Variants in VPS37A observed in about 807,000 individuals in gnomAD.
The protein encoded by VPS37A is VPS37A subunit of ESCRT-I.
VPS37A carries 30 observed loss-of-function variants against 49.8 expected under a neutral mutation model. The observed-to-expected ratio is 0.60, with a 90% CI of 0.45 to 0.82. The LOEUF is 0.82. Ranked by LOEUF, VPS37A falls within the 40% of genes least tolerant of loss-of-function variation. The pLI is 0.00. For missense variants in VPS37A, 593 were observed against 464.4 expected (o/e 1.28, Z -2.55); for synonymous variants, 195 against 160.6 (o/e 1.21, Z -1.62).
chr8:17,268,192 A>G, intron 2 of VPS37A, 66 bp from the exon 3 acceptor site: 2 of 1,126,590 alleles, frequency 1.8e-6, no homozygotes, highest in Non-Finnish European at 2.6e-6. Context: ...TTGTTTTAAG[A>G]TTTTGACCAT....
chr8:17,291,529 T>C (rs1816154681), intron 11 of VPS37A, among the ~76,000 whole-genome samples: 2 of 151,960 alleles, frequency 1.3e-5, no homozygotes, highest in Admixed American at 6.6e-5. Flanking sequence ...TTTGAATTTG[T>C]TTGCTCTTGC....
At position 17,284,350 on chromosome 8, in the gene VPS37A, C is replaced by G. The variant is rs920551772; in HGVS notation, c.970-123C>G. The G allele has an allele frequency of 7.9e-5, 92 of 1,167,894 alleles. 1 individual carries two copies. The highest frequency in any genetic ancestry group is 3.0e-4 in the Middle Eastern group (1 of 3,336). The allele number at this position is 1,167,894 out of a possible 1,614,324, so 72.3% of individuals were successfully genotyped here. On this transcript the variant is annotated intron_variant, in intron 9 of 11. Coordinates refer to ENST00000324849, the MANE Select transcript of VPS37A (RefSeq NM_152415.3). ...GGCATTATAAGACAGCAGATTTTCT[C>G]AAAAAGAGGCTATATAGGGCATATA...
At chr8:17,328,030 G>A in the VPS37A span, among the ~76,000 whole-genome samples, 1 of 152,214 alleles carries the variant, frequency 6.6e-6, no homozygotes, top group Non-Finnish European at 1.5e-5. Flanking sequence ...ATACATTGAT[G>A]AATAAGTGGT....
chr8:17,324,468 G>A, the VPS37A span, among the ~76,000 whole-genome samples: 2 of 152,150 alleles, frequency 1.3e-5, no homozygotes, highest in Non-Finnish European at 2.9e-5. Context: ...CCATTCCACC[G>A]CACATGCATC....
chr8:17,247,564 T>C, intron 1 of VPS37A, 195 bp downstream of exon 1: 2 of 786,782 alleles, frequency 2.5e-6, no homozygotes, highest in Admixed American at 2.0e-5. Context: ...CCCTGCCTCC[T>C]GCCGCACCAC....
At chr8:17,270,834 G>C (rs1385327189) in intron 4 of VPS37A, among the ~76,000 whole-genome samples, 1 of 152,084 alleles carries the variant, frequency 6.6e-6, no homozygotes, top group Non-Finnish European at 1.5e-5. Flanking sequence ...GTAGAATCAG[G>C]CTTGTGTTCT....
At chr8:17,276,297 C>A in intron 5 of VPS37A, 100 bp from the exon 6 acceptor site, 2 of 854,352 alleles carry the variant, frequency 2.3e-6, no homozygotes, top group Admixed American at 2.9e-5. Flanking sequence ...ATAATGCAAA[C>A]AGTTATGGGA....
At chr8:17,315,399 G>A in the VPS37A span, among the ~76,000 whole-genome samples, 1 of 92,814 alleles carries the variant, frequency 1.1e-5, no homozygotes, top group African/African-American at 5.0e-5. Context: ...TACGACAGTG[G>A]TTACATTTAT....
intron 6 of VPS37A, among the ~76,000 whole-genome samples, chr8:17,277,514 C>G (rs1814624760): frequency 6.6e-6 from 1 of 152,170 alleles, no homozygotes; most frequent in South Asian, 2.1e-4. Flanking sequence ...CATGCCTCTT[C>G]TATCCAGCTT....
At chr8:17,247,398 GAAAAAGTA>G in intron 1 of VPS37A, 29 bp downstream of exon 1, 1 of 98,854 alleles carries the variant, frequency 1.0e-5, no homozygotes, top group Non-Finnish European at 1.9e-5. Context: ...TCCACCGGAG[GAAAAAGTA>G]GGGTGGGAGG....
At position 17,247,301 on chromosome 8, in the gene VPS37A, C is replaced by T. The variant is rs1563225105; in HGVS notation, c.57C>T (p.Pro19=). Residue 19 remains proline (P), a synonymous_variant, in exon 1 of 12, where the codon CCC becomes CCT. Transcript: ENST00000324849. ...CCTCCTCCTCCGCGGCTGGGTCCCC[C>T]GGTGGCCTCACCAGCCTCCAGCAGC... ...KSASSSAAGS[P]GGLTSLQQQK... 9 of 1,561,728 alleles carry T rather than the reference C, an allele frequency of 5.8e-6. No individual in the cohort carries two copies. In the Middle Eastern group the frequency reaches 5.1e-4, roughly 88 times the overall value.
the VPS37A span, among the ~76,000 whole-genome samples, chr8:17,328,238 C>T: frequency 2.6e-5 from 4 of 151,974 alleles, no homozygotes; most frequent in Non-Finnish European, 5.9e-5. Flanking sequence ...TGAAGGGTGT[C>T]CCAGTGGGGC....
At chr8:17,311,254 A>G in the VPS37A span, among the ~76,000 whole-genome samples, 1 of 152,334 alleles carries the variant, frequency 6.6e-6, no homozygotes, top group African/African-American at 2.4e-5. Flanking sequence ...AATATATTTT[A>G]TATTTGCCCC....
intron 9 of VPS37A, among the ~76,000 whole-genome samples, chr8:17,283,910 T>C (rs1355479468): frequency 6.6e-6 from 1 of 152,240 alleles, no homozygotes; most frequent in Non-Finnish European, 1.5e-5. Context: ...TATAGGTTGC[T>C]TTGATTAGTA....
chr8:17,304,217 G>A (rs1817306074), downstream of VPS37A, among the ~76,000 whole-genome samples: 1 of 152,154 alleles, frequency 6.6e-6, no homozygotes. Flanking sequence ...AGGAGTCACT[G>A]GCAAAAATAC....
chr8:17,273,055 G>C (rs1326966401), intron 4 of VPS37A, among the ~76,000 whole-genome samples: 2 of 134,850 alleles, frequency 1.5e-5, no homozygotes, highest in Non-Finnish European at 3.1e-5. Flanking sequence ...TTTTGGTGGA[G>C]GGGGTCACTA....
At chr8:17,280,343 G>C (rs369901222) in intron 8 of VPS37A, 32 bp from the exon 9 acceptor site, 1 of 1,601,834 alleles carries the variant, frequency 6.2e-7, no homozygotes, top group Admixed American at 1.7e-5. Context: ...TTTAAAAATA[G>C]AATAAAACAA....
chr8:17,255,996 C>T (rs1003351123), intron 1 of VPS37A, among the ~76,000 whole-genome samples: 11 of 152,050 alleles, frequency 7.2e-5, no homozygotes, highest in South Asian at 2.1e-4. Flanking sequence ...CTGCAATAAA[C>T]GTGGGAGTGC....
At chr8:17,332,957 C>T in the VPS37A span, among the ~76,000 whole-genome samples, 2 of 151,916 alleles carry the variant, frequency 1.3e-5, no homozygotes, top group Non-Finnish European at 2.9e-5. Flanking sequence ...CTTTGGATGC[C>T]CCTGTAATCT....
Sources: gnomAD v4.1 joint callset for allele counts (sites outside exome capture counted in the v4.1 genomes callset) on GRCh38, gnomAD v4.1.1 for gene constraint, MANE v1.5 for transcripts, NCBI Gene and HGNC (gene_info 2026-07-23, HGNC 2026-07-21) for gene names.